The following SVEP1 variants were observed in gnomAD, a reference collection of about 807,000 sequenced individuals.
The protein encoded by SVEP1 is sushi, von Willebrand factor type A, EGF and pentraxin domain-containing protein 1.
In SVEP1, 164 loss-of-function variants were observed where a neutral mutation model predicts 367.3. That is an observed-to-expected ratio of 0.45 (90% CI 0.39 to 0.51). SVEP1 has a LOEUF of 0.51. Among genes scored for constraint, SVEP1 ranks in the 20% least tolerant of loss-of-function variants. The pLI is 0.00. For synonymous variants in SVEP1, 1,666 were observed against 1,611.6 expected (o/e 1.03, Z -0.81); for missense variants, 4,117 against 4,425.3 (o/e 0.93, Z 1.98).
chr9:110,569,816 A>G (rs1475464441), intron 1 of SVEP1, among the ~76,000 whole-genome samples: 1 of 152,256 alleles, frequency 6.6e-6, no homozygotes, highest in Admixed American at 6.5e-5. Flanking sequence ...TAGTACATCT[A>G]TGAAATAACT....
intron 3 of SVEP1, among the ~76,000 whole-genome samples, chr9:110,522,600 TAAAG>T (rs1302843296): frequency 6.6e-6 from 1 of 152,170 alleles, no homozygotes; most frequent in East Asian, 1.9e-4. Context: ...CCGCCTGTCC[TAAAG>T]AAAGAGAGAA....
At position 110,546,233 on chromosome 9, in the gene SVEP1, A is replaced by G. The variant is rs1430406727; in HGVS notation, c.846T>C (p.Asp282=). 8 of 1,590,492 alleles carry G rather than the reference A, an allele frequency of 5.0e-6. No individual in the cohort carries two copies. Among genetic ancestry groups the G allele is most frequent in the Non-Finnish European group, 6.0e-6 (7 of 1,168,022 alleles). Residue 282 remains aspartate, a synonymous_variant, in exon 3 of 48, where the codon GAT becomes GAC. Coordinates refer to ENST00000374469, the MANE Select transcript of SVEP1 (RefSeq NM_153366.4). ...DDMVHCSYLC[D]EGKDCCDRMG... is the part of the protein sequence containing the mutation. ...TTCGGTCACAGCAGTCCTTGCCTTC[A>G]TCACAAAGATATGAGCAGTGGACCA... is the stretch of plus-strand genomic sequence containing the variant.
At chr9:110,446,144 T>C in intron 25 of SVEP1, 106 bp from the exon 26 acceptor site, 1 of 995,814 alleles carries the variant, frequency 1.0e-6, no homozygotes, top group East Asian at 2.6e-5. Context: ...GTGAATATGA[T>C]TATCTAAGAA....
At chr9:110,576,825 A>T (rs1423457851) in intron 1 of SVEP1, among the ~76,000 whole-genome samples, 1 of 152,120 alleles carries the variant, frequency 6.6e-6, no homozygotes, top group Non-Finnish European at 1.5e-5. Context: ...TATAAAGAAT[A>T]TGCATAAATG....
At chr9:110,523,622 C>G (rs890199442) in intron 3 of SVEP1, among the ~76,000 whole-genome samples, 1 of 151,984 alleles carries the variant, frequency 6.6e-6, no homozygotes, top group Middle Eastern at 3.4e-3. Context: ...ATAATATAGG[C>G]AAGTTCAAAG....
chr9:110,385,447 T>C (rs1260159366), intron 43 of SVEP1, among the ~76,000 whole-genome samples: 1 of 152,206 alleles, frequency 6.6e-6, no homozygotes, highest in Non-Finnish European at 1.5e-5. Flanking sequence ...CAGATTGTTT[T>C]TTCTGGGCCA....
Position 110,408,714 on chromosome 9 carries a change from G to A in SVEP1, c.6886C>T (p.Leu2296Phe), listed in dbSNP as rs773670061. Residue 2296 changes from leucine (L) to phenylalanine (F), a missense_variant, in exon 38 of 48, where the codon CTT becomes TTT. This residue lies in a region of SVEP1 where 1,765 missense variants were observed against 1,781.1 expected (regional missense o/e 0.99). Transcript: ENST00000374469. ...VQFFCNEGYE[L>F]VGDSSWTCQK... ...CATGTCCAAGAACTGTCACCAACAA[G>A]CTCATAACCCTCATTACAGAAAAAC... The A allele has an allele frequency of 6.2e-7, 1 of 1,613,934 alleles. No individual in the cohort carries two copies. Among genetic ancestry groups the A allele is most frequent in the Non-Finnish European group, 8.5e-7 (1 of 1,179,898 alleles).
At chr9:110,561,227 T>C (rs1399028137) in intron 1 of SVEP1, among the ~76,000 whole-genome samples, 1 of 152,122 alleles carries the variant, frequency 6.6e-6, no homozygotes, top group Non-Finnish European at 1.5e-5. Flanking sequence ...TCCCAATACA[T>C]CCACCTCTGA....
At chr9:110,395,298 A>T (rs1322609698) in intron 40 of SVEP1, among the ~76,000 whole-genome samples, 1 of 152,214 alleles carries the variant, frequency 6.6e-6, no homozygotes, top group Non-Finnish European at 1.5e-5. Flanking sequence ...AGACAAGCAA[A>T]TGCTGAGAGA....
chr9:110,550,837 CT>C (rs1830277215), intron 1 of SVEP1, among the ~76,000 whole-genome samples: 3 of 152,142 alleles, frequency 2.0e-5, no homozygotes, highest in Admixed American at 1.3e-4. Flanking sequence ...TCTTCCTTCT[CT>C]ACAGATAGAA....
intron 8 of SVEP1, among the ~76,000 whole-genome samples, chr9:110,495,600 G>T: frequency 6.6e-6 from 1 of 151,916 alleles, no homozygotes; most frequent in Non-Finnish European, 1.5e-5. Flanking sequence ...TTTCTATGTT[G>T]CGCTCTGCAT....
Position 110,375,583 on chromosome 9 carries a change from T to C in SVEP1, c.10505-120A>G, listed in dbSNP as rs1215896047. The stretch of plus-strand genomic sequence containing the variant: ...AACATTTTGCAGGAGTGAAACCTTA[T>C]ATGACTCACTAAATAAGTTTCCTGC... On this transcript the variant is annotated intron_variant, in intron 45 of 47. Transcript: ENST00000374469. 1.0e-5 allele frequency: 8 copies of C among 789,060 alleles called. No homozygotes were observed. In the African/African-American group the frequency reaches 1.0e-4, roughly 10 times the overall value. The allele number at this position is 789,060 out of a possible 1,614,324, so 48.9% of individuals were successfully genotyped here.
chr9:110,394,943 G>A (rs563974513), intron 40 of SVEP1, among the ~76,000 whole-genome samples: 39 of 152,278 alleles, frequency 2.6e-4, no homozygotes, highest in Admixed American at 1.0e-3. Flanking sequence ...ATATTATCCC[G>A]GAGAACTTCC....
At chr9:110,575,428 T>G (rs11794464) in intron 1 of SVEP1, among the ~76,000 whole-genome samples, 1 of 151,978 alleles carries the variant, frequency 6.6e-6, no homozygotes, top group South Asian at 2.1e-4. Flanking sequence ...CTGGATGGAG[T>G]AGACCATGGC....
At position 110,450,467 on chromosome 9, in the gene SVEP1, G is replaced by GTTTTT. The variant is rs10656079; in HGVS notation, c.3902-212_3902-208dup. Among the ~76,000 whole-genome samples the GTTTTT allele has an allele frequency of 3.9e-3, 401 of 102,080 alleles. 12 individuals are homozygous for GTTTTT. Among genetic ancestry groups the GTTTTT allele is most frequent in the Middle Eastern group, 6.3e-3 (1 of 160 alleles). The allele number at this position is 102,080 out of a possible 152,430, so 67.0% of individuals were successfully genotyped here. On this transcript the variant is annotated intron_variant, in intron 23 of 47. Transcript: ENST00000374469. ...GTGGACTCTGAGTTTTTGATAATCT[G>GTTTTT]TTTTTTTTTTTTTTTTTTTTGAGAC...
chr9:110,570,655 A>G (rs1830551604), intron 1 of SVEP1, among the ~76,000 whole-genome samples: 1 of 152,068 alleles, frequency 6.6e-6, no homozygotes, highest in South Asian at 2.1e-4. Flanking sequence ...TAAATTTTGT[A>G]GTTTTAGTAG....
At chr9:110,470,656 G>A (rs538677266) in intron 16 of SVEP1, among the ~76,000 whole-genome samples, 33 of 151,886 alleles carry the variant, frequency 2.2e-4, no homozygotes, top group Non-Finnish European at 4.1e-4. Flanking sequence ...GGCTGGTCTC[G>A]AACTCCTGGG....
intron 18 of SVEP1, among the ~76,000 whole-genome samples, chr9:110,464,617 G>A (rs899190602): frequency 3.3e-5 from 5 of 152,138 alleles, no homozygotes; most frequent in Admixed American, 2.6e-4. Context: ...GTGTGCCTAT[G>A]TGTCTCTGTG....
chr9:110,369,939 C>T lies in SVEP1; in HGVS notation c.10678G>A (p.Gly3560Arg), dbSNP rs1385934779. ...TTATCTTACCTGGAACAGTTATGTCCCGTCCAAGAAGAAAGACAGTGACAT... is the reference window on the plus strand; with the variant it reads ...TTATCTTACCTGGAACAGTTATGTCTCGTCCAAGAAGAAAGACAGTGACAT... Reference protein sequence around the residue: ...NRCHCLSSWTGHNCSRKRRTG... With the variant: ...NRCHCLSSWTRHNCSRKRRTG... The change falls in exon 47 of 48, where the codon GGA (glycine) becomes AGA (arginine). Residue 3560 changes from glycine (G) to arginine (R), a missense_variant. Physicochemically the swap from Gly to Arg is moderately radical, Grantham distance 125. This residue lies in a region of SVEP1 where 1,765 missense variants were observed against 1,781.1 expected (regional missense o/e 0.99). Transcript: ENST00000374469. 1.2e-6 allele frequency: 2 copies of T among 1,612,766 alleles called. No individual in the cohort carries two copies. Among genetic ancestry groups the T allele is most frequent in the Non-Finnish European group, 8.5e-7 (1 of 1,179,380 alleles).
Sources: gnomAD v4.1 joint callset for allele counts (sites outside exome capture counted in the v4.1 genomes callset) on GRCh38, gnomAD v4.1.1 for gene constraint, gnomAD v4.1.1 regional missense constraint, MANE v1.5 for transcripts, NCBI Gene and HGNC (gene_info 2026-07-23, HGNC 2026-07-21) for gene names.